USP54: variants seen among roughly 807,000 people sequenced by gnomAD.
The protein encoded by USP54 is ubiquitin specific peptidase 54, also known as ubiquitin carboxyl-terminal hydrolase 54.
A neutral mutation model predicts 170.5 loss-of-function variants in USP54; 87 were observed. That is an observed-to-expected ratio of 0.51 (90% CI 0.43 to 0.61). The LOEUF (loss-of-function observed/expected upper bound fraction) is 0.61. Among genes scored for constraint, USP54 ranks in the 20% least tolerant of loss-of-function variants. The pLI, the probability that USP54 is intolerant of heterozygous loss-of-function variation, is 0.00. For missense variants in USP54, 1,786 were observed against 2,047.8 expected (o/e 0.87, Z 2.47); for synonymous variants, 655 against 742.8 (o/e 0.88, Z 1.92).
At chr10:73,545,473 A>T (rs926304264) in intron 5 of USP54, 65 bp downstream of exon 5, 3 of 1,582,308 alleles carry the variant, frequency 1.9e-6, no homozygotes, top group Non-Finnish European at 2.6e-6. Context: ...TAAAGTAGCC[A>T]GTCCCTGATG....
chr10:73,616,335 CAAAA>C (rs60197778), intron 1 of USP54, among the ~76,000 whole-genome samples: 1 of 25,776 alleles, frequency 3.9e-5, no homozygotes, highest in African/African-American at 1.8e-4. Flanking sequence ...GACTCCATCT[CAAAA>C]AAAAAAAAAA....
chr10:73,538,738 G>A (rs538872474), intron 10 of USP54, among the ~76,000 whole-genome samples: 4 of 152,194 alleles, frequency 2.6e-5, no homozygotes, highest in Admixed American at 2.6e-4. Context: ...CTTAAACCTG[G>A]AAAATAAAGG....
intron 1 of USP54, among the ~76,000 whole-genome samples, chr10:73,622,521 A>C (rs1460636655): frequency 6.6e-6 from 1 of 151,774 alleles, no homozygotes; most frequent in African/African-American, 2.4e-5. Flanking sequence ...ATGGGGTTTC[A>C]CCATGTTGGC....
chr10:73,520,805 G>A, intron 18 of USP54, 103 bp downstream of exon 18: 1 of 1,521,104 alleles, frequency 6.6e-7, no homozygotes, highest in Non-Finnish European at 8.9e-7. Context: ...CAAGAGTGAG[G>A]AGACACAAAA....
At chr10:73,505,452 T>G in intron 20 of USP54, 26 bp from the exon 21 acceptor site, 1 of 1,604,194 alleles carries the variant, frequency 6.2e-7, no homozygotes. Flanking sequence ...CAAATACAAG[T>G]TGAGGCCATC....
chr10:73,574,854 C>CAA (rs111286609), intron 3 of USP54, among the ~76,000 whole-genome samples: 9 of 64,784 alleles, frequency 1.4e-4, no homozygotes, highest in Middle Eastern at 0.014. Context: ...TGAGACTGTC[C>CAA]AAAAAAAAAA....
At chr10:73,605,962 A>G (rs2079585965) in intron 1 of USP54, among the ~76,000 whole-genome samples, 1 of 151,772 alleles carries the variant, frequency 6.6e-6, no homozygotes. Flanking sequence ...TGGATCACCC[A>G]ATGTCAGGAG....
chr10:73,529,693 A>G lies in USP54; in HGVS notation c.2047T>C (p.Ser683Pro). ...GCCAAACAATACCTGTAGACATTTG[A>G]GCTCTCAGGCAGGGCTGCATCCAGG... Reference protein sequence around the residue: ...VSLDAALPESSNVYRDPSAKR... With the variant: ...VSLDAALPESPNVYRDPSAKR... The change falls in exon 15 of 24, where the codon TCA becomes CCA. Residue 683 changes from serine (S) to proline (P), a missense_variant. Transcript: ENST00000687698. The G allele has an allele frequency of 1.2e-6, 2 of 1,614,144 alleles. No individual in the cohort carries two copies. Among genetic ancestry groups the G allele is most frequent in the South Asian group, 1.1e-5 (1 of 91,084 alleles).
rs532051131 is a variant in USP54, at chr10:73,537,328, G to A, written c.976-891C>T. The stretch of plus-strand genomic sequence containing the variant: ...CCCCAAATTACAACAACGCAAAAGA[G>A]ACAAAGAAAAGAATAAGGGAATTTG... On this transcript the variant is annotated intron_variant, in intron 10 of 23. Coordinates refer to ENST00000687698, the MANE Select transcript of USP54 (RefSeq NM_001391956.1). Among the ~76,000 whole-genome samples, 278 of 152,154 alleles carry A rather than the reference G, an allele frequency of 1.8e-3. 1 individual carries two copies. Among genetic ancestry groups the A allele is most frequent in the African/African-American group, 5.9e-3 (244 of 41,522 alleles).
chr10:73,597,308 A>G (rs1232228138), intron 1 of USP54, among the ~76,000 whole-genome samples: 3 of 152,232 alleles, frequency 2.0e-5, no homozygotes, highest in Admixed American at 1.3e-4. Context: ...ATTAGAAATT[A>G]TGCTTTAGGA....
At chr10:73,523,807 G>A in intron 16 of USP54, 57 bp from the exon 17 acceptor site, 2 of 1,499,944 alleles carry the variant, frequency 1.3e-6, no homozygotes, top group Non-Finnish European at 1.8e-6. Flanking sequence ...CTAAGTACTT[G>A]ATGAATTTAT....
chr10:73,587,196 G>A (rs546765261), intron 1 of USP54, among the ~76,000 whole-genome samples: 21 of 151,578 alleles, frequency 1.4e-4, no homozygotes, highest in South Asian at 4.2e-4. Context: ...TCTGCAGGCC[G>A]GGTGCAGTGG....
At chr10:73,525,376 TTA>T (rs2062677683) in intron 16 of USP54, among the ~76,000 whole-genome samples, 1 of 152,212 alleles carries the variant, frequency 6.6e-6, no homozygotes, top group Non-Finnish European at 1.5e-5. Flanking sequence ...ATAGGGCTTA[TTA>T]TACAAACAGG....
intron 22 of USP54, among the ~76,000 whole-genome samples, chr10:73,501,703 G>C (rs745959599): frequency 3.9e-5 from 6 of 152,120 alleles, no homozygotes; most frequent in Non-Finnish European, 7.3e-5. Context: ...ATATGGCCCT[G>C]CTGCTCCTCA....
intron 4 of USP54, among the ~76,000 whole-genome samples, chr10:73,554,293 C>A (rs1449487018): frequency 6.6e-6 from 1 of 152,148 alleles, no homozygotes; most frequent in Non-Finnish European, 1.5e-5. Context: ...AACTTTACAC[C>A]CTGCCATTAA....
chr10:73,610,852 C>A (rs1455362493), intron 1 of USP54, among the ~76,000 whole-genome samples: 1 of 152,082 alleles, frequency 6.6e-6, no homozygotes, highest in African/African-American at 2.4e-5. Flanking sequence ...CAACATGGCA[C>A]GGGAAGGTAA....
intron 2 of USP54, 21 bp from the exon 3 acceptor site, chr10:73,575,696 G>A (rs1414710852): frequency 1.3e-6 from 2 of 1,527,430 alleles, no homozygotes; most frequent in South Asian, 1.3e-5. Context: ...AATGGAGAAG[G>A]ATTTGTGCCT....
intron 4 of USP54, among the ~76,000 whole-genome samples, chr10:73,549,417 CA>C (rs1020545580): frequency 2.6e-5 from 4 of 152,188 alleles, no homozygotes; most frequent in African/African-American, 9.7e-5. Context: ...ATGGGCATTT[CA>C]AATTTAACAT....
chr10:73,579,074 C>T (rs112190487), intron 1 of USP54, among the ~76,000 whole-genome samples: 5,300 of 151,066 alleles, frequency 0.035, 149 homozygotes, highest in South Asian at 0.11. Context: ...ATCACCCTCA[C>T]CCCCACCCCC....
Sources: gnomAD v4.1 joint callset for allele counts (sites outside exome capture counted in the v4.1 genomes callset) on GRCh38, gnomAD v4.1.1 for gene constraint, MANE v1.5 for transcripts, NCBI Gene and HGNC (gene_info 2026-07-23, HGNC 2026-07-21) for gene names.